Variants in GPR137 observed in about 807,000 individuals in gnomAD.
GPR137 encodes G protein-coupled receptor 137, also known as integral membrane protein GPR137.
Under a neutral mutation model 38.9 loss-of-function variants are expected in GPR137, and 20 were observed. The observed-to-expected ratio is 0.51, with a 90% CI of 0.36 to 0.75. The LOEUF (loss-of-function observed/expected upper bound fraction) is 0.75, where lower values mean the gene tolerates loss of function less well. GPR137 is among the 30% of genes least tolerant of loss of function. The probability of loss-of-function intolerance (pLI) is 0.00; values close to 1 mark genes in which losing one functional copy is unlikely to be tolerated. For missense variants in GPR137, 456 were observed against 526.4 expected, an observed-to-expected ratio of 0.87 and a Z score of 1.31; for synonymous variants, 226 against 235.8, an observed-to-expected ratio of 0.96 and a Z score of 0.38.
At chr11:64,273,618 C>A (rs1464173490), upstream of GPR137, among the ~76,000 whole-genome samples, 1 of 152,002 alleles carries the variant, frequency 6.6e-6, no homozygotes. Flanking sequence ...CAGTGGCTCA[C>A]GCCTGTAATC....
Position 64,288,729 on chromosome 11 carries a change from C to T in GPR137, c.1031+8C>T. 6.5e-7 allele frequency: 1 copy of T among 1,539,500 alleles called. No homozygotes were observed. ...CCGGGGTGAGAGCACCAGGTAGGAG[C>T]CGTGGCACTGCCTCAGTACCCCTGC... is the stretch of plus-strand genomic sequence containing the variant. On this transcript the variant is annotated splice_region_variant and intron_variant, in intron 6 of 6. Coordinates refer to ENST00000438980, the MANE Select transcript of GPR137 (RefSeq NM_001170880.2). This position sits in a 1 kb window ranked among gnomAD's most constrained non-coding sequence, Gnocchi z 5.5.
chr11:64,285,569 A>T, upstream of GPR137: 1 of 983,916 alleles, frequency 1.0e-6, no homozygotes, highest in Non-Finnish European at 1.2e-6. Context: ...ATTTGGGTAT[A>T]GGAGAGAGGA....
upstream of GPR137, among the ~76,000 whole-genome samples, chr11:64,283,962 C>T (rs2033659008): frequency 6.6e-6 from 1 of 152,210 alleles, no homozygotes; most frequent in African/African-American, 2.4e-5. Context: ...TTAATGTGCA[C>T]CAGCTCTGTA....
upstream of GPR137, among the ~76,000 whole-genome samples, chr11:64,281,619 C>T (rs1418126347): frequency 1.3e-5 from 2 of 152,244 alleles, no homozygotes; most frequent in African/African-American, 4.8e-5. Context: ...CTGGAACTCT[C>T]TTCCCATCAT....
upstream of GPR137, among the ~76,000 whole-genome samples, chr11:64,282,027 C>T (rs569245957): frequency 7.2e-5 from 11 of 152,278 alleles, no homozygotes; most frequent in South Asian, 4.1e-4. Context: ...CCTCTCTTAA[C>T]TCTTTTACAT....
upstream of GPR137, among the ~76,000 whole-genome samples, chr11:64,280,563 G>A (rs2033398934): frequency 6.6e-6 from 1 of 150,876 alleles, no homozygotes; most frequent in African/African-American, 2.4e-5. Flanking sequence ...GTGTTAGCCA[G>A]GATGGTCTTG....
upstream of GPR137, among the ~76,000 whole-genome samples, chr11:64,282,384 T>C (rs1283280897): frequency 1.3e-5 from 2 of 151,438 alleles, no homozygotes; most frequent in Non-Finnish European, 2.9e-5. Context: ...AGAGGATTGC[T>C]TGGGCCCAGG....
upstream of GPR137, among the ~76,000 whole-genome samples, chr11:64,274,992 C>CAAAAAAAAAAAAAAA (rs34418386): frequency 9.2e-5 from 5 of 54,398 alleles, 2 homozygotes; most frequent in African/African-American, 4.6e-4. Flanking sequence ...GACTTTGTCT[C>CAAAAAAAAAAAAAAA]AAAAAAAAAA....
Position 64,288,461 on chromosome 11 carries a change from A to G in GPR137, c.905A>G (p.Gln302Arg). 6.2e-7 allele frequency: 1 copy of G among 1,613,282 alleles called. No homozygotes were observed. Among genetic ancestry groups the G allele is most frequent in the Non-Finnish European group, 8.5e-7 (1 of 1,179,940 alleles). The change falls in exon 5 of 7, where the codon CAG (glutamine) becomes CGG (arginine). Residue 302 changes from glutamine to arginine, a missense_variant. Physicochemically the swap from Gln to Arg is conservative, Grantham distance 43. Transcript: ENST00000438980. This position sits in a 1 kb window ranked among gnomAD's most constrained non-coding sequence, Gnocchi z 5.5. ...VGFFRVHRPP[Q>R]DLSTSHILNG... is the part of the protein sequence containing the mutation. Reference sequence around the variant, plus strand: ...TTCTTCCGGGTGCACCGGCCCCCACAGGACCTGGTAAGGGTCTGCTCCCTC... The same window carrying G: ...TTCTTCCGGGTGCACCGGCCCCCACGGGACCTGGTAAGGGTCTGCTCCCTC...
rs1056613990 is a variant in GPR137, at chr11:64,288,590, C to T, written c.913-13C>T. ...GGACAGGAGTAAGTATCGATGATGG[C>T]TTCCTCCCCCAGAGCACCAGCCACA... On this transcript the variant is annotated splice_polypyrimidine_tract_variant and intron_variant, in intron 5 of 6. Coordinates refer to ENST00000438980, the MANE Select transcript of GPR137 (RefSeq NM_001170880.2). The surrounding 1 kb of genome is among the most constrained non-coding windows in gnomAD (Gnocchi z 5.5). 2 of 1,613,284 alleles carry T rather than the reference C, an allele frequency of 1.2e-6. No homozygotes were observed. Among genetic ancestry groups the T allele is most frequent in the Non-Finnish European group, 1.7e-6 (2 of 1,179,736 alleles).
At position 64,288,242 on chromosome 11, in the gene GPR137, TTAG is replaced by T. The variant is rs1367949626; in HGVS notation, c.783+32_783+34del. 1 of 1,610,250 alleles carries T rather than the reference TTAG, an allele frequency of 6.2e-7. No individual in the cohort carries two copies. Among genetic ancestry groups the T allele is most frequent in the Non-Finnish European group, 8.5e-7 (1 of 1,177,840 alleles). On this transcript the variant is annotated intron_variant, in intron 4 of 6. Transcript: ENST00000438980. The surrounding 1 kb of genome is among the most constrained non-coding windows in gnomAD (Gnocchi z 5.5). ...GGGCATACGCATGTCTGCCACCTCCTTAGTAGCCGTGGCACCTTGGCCCCAGCT... is the reference window on the plus strand; with the variant it reads ...GGGCATACGCATGTCTGCCACCTCCTTAGCCGTGGCACCTTGGCCCCAGCT...
chr11:64,286,893 T>G lies in GPR137; in HGVS notation c.357+12T>G. ...TCTACTTTGCCCAGGTAACCAACTG[T>G]GGTCCCGGGTGGGGGGCGGGAGGTG... On this transcript the variant is annotated intron_variant, in intron 1 of 6. Coordinates refer to ENST00000438980, the MANE Select transcript of GPR137 (RefSeq NM_001170880.2). 1 of 1,577,422 alleles carries G rather than the reference T, an allele frequency of 6.3e-7. No individual in the cohort carries two copies. The highest frequency in any genetic ancestry group is 8.7e-7 in the Non-Finnish European group (1 of 1,150,060).
upstream of GPR137, chr11:64,285,249 G>A (rs1248288156): frequency 3.0e-6 from 3 of 987,158 alleles, no homozygotes; most frequent in African/African-American, 1.7e-5. Context: ...CATCTCGGGG[G>A]CACTGGAGAT....
chr11:64,284,248 C>A (rs367948500), upstream of GPR137: 1 of 1,610,862 alleles, frequency 6.2e-7, no homozygotes, highest in Admixed American at 1.7e-5. Context: ...AGGCCTGGGG[C>A]CTGGCGATGA....
upstream of GPR137, among the ~76,000 whole-genome samples, chr11:64,281,021 G>A (rs985752124): frequency 2.0e-5 from 3 of 151,516 alleles, no homozygotes; most frequent in African/African-American, 7.3e-5. Context: ...AGGCTGGAGT[G>A]CAGTGGTGCA....
In GPR137 at chr11:64,288,391, A is replaced by G; in HGVS notation, c.835A>G (p.Ile279Val). 1.9e-6 allele frequency: 3 copies of G among 1,613,840 alleles called. No individual in the cohort carries two copies. The highest frequency in any genetic ancestry group is 1.1e-5 in the South Asian group (1 of 91,072). Residue 279 changes from isoleucine to valine, a missense_variant, in exon 5 of 7, where the codon ATC (isoleucine) becomes GTC (valine). Physicochemically the swap from Ile to Val is conservative, Grantham distance 29 (BLOSUM62 3). Coordinates refer to ENST00000438980, the MANE Select transcript of GPR137 (RefSeq NM_001170880.2). The surrounding 1 kb of genome is among the most constrained non-coding windows in gnomAD (Gnocchi z 5.5). ...GNKGYLVFGL[I>V]LFVWELLPTT... ...CAAAGGCTACCTGGTATTTGGCCTC[A>G]TCCTCTTCGTGTGGGAGCTACTGCC... is the stretch of plus-strand genomic sequence containing the variant.
intron 2 of GPR137, 48 bp downstream of exon 2, chr11:64,287,062 G>A (rs1266678005): frequency 6.9e-6 from 11 of 1,596,746 alleles, no homozygotes; most frequent in Non-Finnish European, 9.4e-6. Flanking sequence ...TCAGGGGCAG[G>A]TGACAGTCCC....
chr11:64,289,321 G>C lies in GPR137; in HGVS notation c.*125G>C. 1.9e-6 allele frequency: 3 copies of C among 1,607,828 alleles called. No homozygotes were observed. The highest frequency in any genetic ancestry group is 2.5e-6 in the Non-Finnish European group (3 of 1,176,790). Reference sequence around the variant, plus strand: ...TCGTGGCTACCCCCTCCTCTGGCCGGCTCCTTGCTGCTCCTGTCATAGTGA... The same window carrying C: ...TCGTGGCTACCCCCTCCTCTGGCCGCCTCCTTGCTGCTCCTGTCATAGTGA... On this transcript the variant is annotated 3_prime_UTR_variant, in exon 7 of 7. Transcript: ENST00000438980.
At chr11:64,283,714 G>A (rs573929448), upstream of GPR137, among the ~76,000 whole-genome samples, 4 of 152,348 alleles carry the variant, frequency 2.6e-5, no homozygotes, top group East Asian at 7.7e-4. Context: ...GGAAGGTGTG[G>A]CCTTAGGCAG....
Sources: allele counts gnomAD v4.1 joint callset (sites outside exome capture counted in the v4.1 genomes callset), GRCh38; gene constraint gnomAD v4.1.1; non-coding constraint Gnocchi (gnomAD v3.1); transcripts MANE v1.5; gene names NCBI Gene and HGNC (gene_info 2026-07-23, HGNC 2026-07-21).